Variants in HDAC4 observed in about 807,000 individuals in gnomAD.
HDAC4 encodes the protein histone deacetylase A.
HDAC4 carries 16 observed loss-of-function variants against 135.1 expected under a neutral mutation model. That is an observed-to-expected ratio of 0.12 (90% CI 0.08 to 0.18). HDAC4 has a LOEUF of 0.18. Among genes scored for constraint, HDAC4 ranks in the 10% least tolerant of loss-of-function variants. The pLI is 1.00. For missense variants in HDAC4, 1,143 were observed against 1,511.8 expected, an observed-to-expected ratio of 0.76 and a Z score of 4.05; for synonymous variants, 685 against 653.4, an observed-to-expected ratio of 1.05 and a Z score of -0.74.
chr2:239,137,236 G>A (rs983989151), intron 9 of HDAC4, among the ~76,000 whole-genome samples: 2 of 152,246 alleles, frequency 1.3e-5, no homozygotes, highest in African/African-American at 2.4e-5. Flanking sequence ...AGCCCTGCGG[G>A]AGGCATTCTG....
At chr2:239,347,890 C>A (rs535829331) in intron 2 of HDAC4, among the ~76,000 whole-genome samples, 1 of 152,218 alleles carries the variant, frequency 6.6e-6, no homozygotes, top group South Asian at 2.1e-4. Flanking sequence ...CTCAAGTTAC[C>A]GACCACTGCC....
intron 1 of HDAC4, among the ~76,000 whole-genome samples, chr2:239,365,405 C>T (rs1366397045): frequency 6.6e-6 from 1 of 152,240 alleles, no homozygotes; most frequent in East Asian, 1.9e-4. Flanking sequence ...CAGGCTTATG[C>T]TGAACAAGGC....
chr2:239,252,655 C>T (rs2048848593), intron 2 of HDAC4, among the ~76,000 whole-genome samples: 1 of 152,208 alleles, frequency 6.6e-6, no homozygotes, highest in African/African-American at 2.4e-5. Flanking sequence ...CACCTCCTCC[C>T]CTTGCTTCTC....
chr2:239,061,801 C>G (rs373427880), intron 24 of HDAC4, among the ~76,000 whole-genome samples: 2 of 152,262 alleles, frequency 1.3e-5, no homozygotes, highest in Non-Finnish European at 2.9e-5. Context: ...CTTTTCCACA[C>G]GACACCACCC....
intron 2 of HDAC4, among the ~76,000 whole-genome samples, chr2:239,263,159 C>T (rs1285461284): frequency 6.6e-6 from 1 of 152,222 alleles, no homozygotes; most frequent in Non-Finnish European, 1.5e-5. Flanking sequence ...TCCTTCATGT[C>T]TGCTGTGTCG....
intron 4 of HDAC4, among the ~76,000 whole-genome samples, chr2:239,177,558 G>A (rs1364383122): frequency 6.6e-6 from 1 of 152,198 alleles, no homozygotes; most frequent in Non-Finnish European, 1.5e-5. Flanking sequence ...ACTGTCTACA[G>A]GGAAGGGCAC....
intron 22 of HDAC4, among the ~76,000 whole-genome samples, chr2:239,077,266 G>A (rs2034856529): frequency 6.6e-6 from 1 of 152,258 alleles, no homozygotes. Flanking sequence ...GCACCATCGG[G>A]CTCTGTTCCT....
intron 2 of HDAC4, among the ~76,000 whole-genome samples, chr2:239,246,956 G>A (rs1471786411): frequency 6.6e-6 from 1 of 152,264 alleles, no homozygotes; most frequent in East Asian, 1.9e-4. Context: ...TGCACCGTGT[G>A]CAGTTTCACC....
At chr2:239,362,068 T>C (rs751123745) in intron 1 of HDAC4, among the ~76,000 whole-genome samples, 1 of 152,226 alleles carries the variant, frequency 6.6e-6, no homozygotes, top group African/African-American at 2.4e-5. Context: ...TCAAACACAA[T>C]GCCTTTTAGG....
In HDAC4 at chr2:239,139,579, G is replaced by T; in HGVS notation, c.978+105C>A. 1 of 1,038,930 alleles carries T rather than the reference G, an allele frequency of 9.6e-7. No individual in the cohort carries two copies. The allele number at this position is 1,038,930 out of a possible 1,614,324, so 64.4% of individuals were successfully genotyped here. On this transcript the variant is annotated intron_variant, in intron 9 of 26. Coordinates refer to ENST00000543185, the MANE Select transcript of HDAC4 (RefSeq NM_001378414.1). This position sits in a 1 kb window ranked among gnomAD's most constrained non-coding sequence, Gnocchi z 5.3. ...AGGCCACTTTCCCTCACCCCAAATT[G>T]GAAGGTGAAGAGTGAAGGGCAAGTG...
intron 23 of HDAC4, 91 bp from the exon 24 acceptor site, chr2:239,066,946 CTG>C (rs1444201589): frequency 6.7e-7 from 1 of 1,489,638 alleles, no homozygotes; most frequent in Admixed American, 2.0e-5. Context: ...CGTAAGAAGA[CTG>C]GGGGCTGGGG....
chr2:239,068,674 A>ACTGCACTTGCTTGGTGAGAGGGAGTC lies in HDAC4; in HGVS notation c.2751-68_2751-67insGACTCCCTCTCACCAAGCAAGTGCAG. 7.3e-7 allele frequency: 1 copy of ACTGCACTTGCTTGGTGAGAGGGAGTC among 1,377,290 alleles called. No individual in the cohort carries two copies. The highest frequency in any genetic ancestry group is 1.0e-6 in the Non-Finnish European group (1 of 965,432). The allele number at this position is 1,377,290 out of a possible 1,614,324, so 85.3% of individuals were successfully genotyped here. On this transcript the variant is annotated intron_variant, in intron 22 of 26. Transcript: ENST00000543185. This position sits in a 1 kb window ranked among gnomAD's most constrained non-coding sequence, Gnocchi z 4.4. ...AGGGACGGGACGGTCACAAAACCCC[A>ACTGCACTTGCTTGGTGAGAGGGAGTC]AGGTTCCCTCTGGCATTGATAATGC...
rs1056404427 is a variant in HDAC4 at position 239,349,970 on chromosome 2, T to C, written c.22+2708A>G. Among the ~76,000 whole-genome samples the C allele has an allele frequency of 6.6e-6, 1 of 152,128 alleles. No individual in the cohort carries two copies. The highest frequency in any genetic ancestry group is 1.5e-5 in the Non-Finnish European group (1 of 68,022). Reference sequence around the variant, plus strand: ...TAAGGCGCACACAACCCAACTCACATGGGCAGGACAGGCCCGGGCAGGCCG... The same window carrying C: ...TAAGGCGCACACAACCCAACTCACACGGGCAGGACAGGCCCGGGCAGGCCG... On this transcript the variant is annotated intron_variant, in intron 2 of 26. Coordinates refer to ENST00000543185, the MANE Select transcript of HDAC4 (RefSeq NM_001378414.1). The surrounding 1 kb of genome is among the most constrained non-coding windows in gnomAD (Gnocchi z 5.7).
chr2:239,211,377 T>G (rs1462987991), intron 3 of HDAC4, among the ~76,000 whole-genome samples: 5 of 152,202 alleles, frequency 3.3e-5, no homozygotes, highest in Non-Finnish European at 5.9e-5. Context: ...GTGCTTCTCC[T>G]GGGGGCCGAA....
Position 239,084,255 on chromosome 2 carries a change from A to G in HDAC4, c.2445-13T>C, listed in dbSNP as rs1482682568. 6.2e-7 allele frequency: 1 copy of G among 1,600,874 alleles called. No individual in the cohort carries two copies. The highest frequency in any genetic ancestry group is 8.5e-7 in the Non-Finnish European group (1 of 1,170,636). On this transcript the variant is annotated splice_polypyrimidine_tract_variant and intron_variant, in intron 19 of 26. Transcript: ENST00000543185. Reference sequence around the variant, plus strand: ...GTAGCAAAAGCCCCTGCGGGAGAGAACTGACGCTGGAGACGAAGCGCAGGT... The same window carrying G: ...GTAGCAAAAGCCCCTGCGGGAGAGAGCTGACGCTGGAGACGAAGCGCAGGT...
At chr2:239,369,679 A>G (rs1694469119) in intron 1 of HDAC4, among the ~76,000 whole-genome samples, 2 of 152,304 alleles carry the variant, frequency 1.3e-5, no homozygotes, top group South Asian at 4.1e-4. Flanking sequence ...TAAACTCATG[A>G]AGTCAAGAAG....
chr2:239,091,397 G>A (rs2036490554), intron 17 of HDAC4: 1 of 152,312 alleles, frequency 6.6e-6, no homozygotes, highest in Admixed American at 6.5e-5. Context: ...GCCCGGTGGA[G>A]GTCTTAGAAG....
At chr2:239,311,794 G>A (rs1420206484) in intron 2 of HDAC4, among the ~76,000 whole-genome samples, 1 of 152,196 alleles carries the variant, frequency 6.6e-6, no homozygotes, top group Non-Finnish European at 1.5e-5. Context: ...AACAGTGATG[G>A]GGCGGTGCTT....
At chr2:239,328,154 A>G (rs905475985) in intron 2 of HDAC4, among the ~76,000 whole-genome samples, 2 of 152,210 alleles carry the variant, frequency 1.3e-5, no homozygotes, top group South Asian at 4.1e-4. Flanking sequence ...CAGCCCTGAA[A>G]TGACTGGAGG....
Sources: gnomAD v4.1 joint callset for allele counts (sites outside exome capture counted in the v4.1 genomes callset) on GRCh38, gnomAD v4.1.1 for gene constraint, Gnocchi (gnomAD v3.1) non-coding constraint, MANE v1.5 for transcripts, NCBI Gene and HGNC (gene_info 2026-07-23, HGNC 2026-07-21) for gene names.